The following EFL1 variants were observed in gnomAD, a reference collection of about 807,000 sequenced individuals.
EFL1 encodes elongation factor-like GTPase 1.
EFL1 carries 76 observed loss-of-function variants against 126.7 expected under a neutral mutation model. The observed-to-expected ratio is 0.60, with a 90% CI of 0.50 to 0.73. EFL1 has a LOEUF of 0.73. EFL1 is among the 30% of genes least tolerant of loss of function. EFL1 has a pLI of 0.00. For synonymous variants in EFL1, 410 were observed against 448.4 expected (o/e 0.91, Z 1.08); for missense variants, 1,128 against 1,343.2 (o/e 0.84, Z 2.50).
At chr15:82,247,685 C>G (rs931476904) in intron 4 of EFL1, among the ~76,000 whole-genome samples, 5 of 151,930 alleles carry the variant, frequency 3.3e-5, no homozygotes, top group African/African-American at 1.2e-4. Flanking sequence ...GGGGAAACGT[C>G]AATAAAAAGA....
At chr15:82,164,785 T>C (rs1374589220) in intron 15 of EFL1, among the ~76,000 whole-genome samples, 2 of 151,350 alleles carry the variant, frequency 1.3e-5, no homozygotes, top group Non-Finnish European at 2.9e-5. Context: ...TAGTCCCAGC[T>C]ACTTGGGAGG....
intron 12 of EFL1, among the ~76,000 whole-genome samples, chr15:82,222,578 T>C (rs554046359): frequency 2.0e-5 from 3 of 152,334 alleles, no homozygotes; most frequent in African/African-American, 7.2e-5. Flanking sequence ...CTGCTGTCTA[T>C]CTATGTATCT....
rs140962922 is a variant in EFL1 at position 82,159,686 on chromosome 15, A to C, written c.1883-1826T>G. Reference sequence around the variant, plus strand: ...ATAGTTCAATAAAGATATAAGAATTAACAAACCTTCTAATTAGTGTAAGAA... The same window carrying C: ...ATAGTTCAATAAAGATATAAGAATTCACAAACCTTCTAATTAGTGTAAGAA... On this transcript the variant is annotated intron_variant, in intron 16 of 19. Coordinates refer to ENST00000268206, the MANE Select transcript of EFL1 (RefSeq NM_024580.6). 2.8e-3 allele frequency among the ~76,000 whole-genome samples: 433 copies of C among 152,344 alleles called. 4 individuals are homozygous for C. Among genetic ancestry groups the C allele is most frequent in the African/African-American group, 9.9e-3 (413 of 41,596 alleles).
intron 8 of EFL1, 34 bp downstream of exon 8, chr15:82,230,814 G>A: frequency 1.3e-6 from 2 of 1,576,876 alleles, no homozygotes; most frequent in Non-Finnish European, 1.7e-6. Flanking sequence ...GCAAGAATAT[G>A]ACCAACAACC....
At chr15:82,136,934 G>T (rs1292622582) in intron 19 of EFL1, among the ~76,000 whole-genome samples, 1 of 151,944 alleles carries the variant, frequency 6.6e-6, no homozygotes, top group African/African-American at 2.4e-5. Context: ...GTAAATTACT[G>T]TTAAAACCTA....
At chr15:82,168,099 A>T (rs1501371) in intron 15 of EFL1, among the ~76,000 whole-genome samples, 2 of 151,928 alleles carry the variant, frequency 1.3e-5, no homozygotes, top group South Asian at 2.1e-4. Flanking sequence ...GAGAACCCTT[A>T]GTTTTGAAAG....
intron 15 of EFL1, among the ~76,000 whole-genome samples, chr15:82,187,924 C>A (rs1037307458): frequency 1.3e-5 from 2 of 151,996 alleles, no homozygotes; most frequent in Non-Finnish European, 2.9e-5. Flanking sequence ...ACGGTAATAA[C>A]TATAACAGTG....
At chr15:82,239,412 A>T (rs1417723281) in intron 6 of EFL1, among the ~76,000 whole-genome samples, 3 of 152,218 alleles carry the variant, frequency 2.0e-5, no homozygotes, top group Non-Finnish European at 2.9e-5. Context: ...CTGGGATTAC[A>T]GGTGTAAGCC....
chr15:82,140,041 G>A (rs1298423453), intron 18 of EFL1, among the ~76,000 whole-genome samples: 1 of 152,072 alleles, frequency 6.6e-6, no homozygotes, highest in Non-Finnish European at 1.5e-5. Context: ...GTGTCACAAC[G>A]CCTCAAGGAA....
intron 15 of EFL1, among the ~76,000 whole-genome samples, chr15:82,201,351 C>T (rs12594764): frequency 0.072 from 10,887 of 152,192 alleles, 722 homozygotes; most frequent in East Asian, 0.35. Context: ...CTGTGCTCAT[C>T]TACAAAGGAG....
At position 82,229,064 on chromosome 15, in the gene EFL1, A is replaced by G. The variant is rs376071534; in HGVS notation, c.902T>C (p.Ile301Thr). 2.5e-6 allele frequency: 4 copies of G among 1,612,138 alleles called. No individual in the cohort carries two copies. Among genetic ancestry groups the G allele is most frequent in the Non-Finnish European group, 3.4e-6 (4 of 1,179,502 alleles). The change falls in exon 9 of 20, where the codon ATA becomes ACA. Residue 301 changes from isoleucine to threonine, a missense_variant. Transcript: ENST00000268206. ...CAAAACAGCATCATACAAACTCCAT[A>G]TATTTTCCAGGATCAACTGTACAAA... ...PLFVQLILEN[I>T]WSLYDAVLKK...
chr15:82,194,164 G>A (rs966209653), intron 15 of EFL1, among the ~76,000 whole-genome samples: 4 of 152,242 alleles, frequency 2.6e-5, no homozygotes, highest in Admixed American at 1.3e-4. Context: ...GCCATTGGGC[G>A]GACTGGATCT....
intron 6 of EFL1, among the ~76,000 whole-genome samples, chr15:82,239,968 G>C (rs965294317): frequency 3.3e-5 from 5 of 152,096 alleles, no homozygotes; most frequent in Admixed American, 6.6e-5. Context: ...TGAGCTCCTT[G>C]AAAATAGGGA....
At chr15:82,222,359 T>G (rs566801171) in intron 12 of EFL1, among the ~76,000 whole-genome samples, 9 of 152,236 alleles carry the variant, frequency 5.9e-5, no homozygotes, top group Non-Finnish European at 1.2e-4. Context: ...CTGAAGTCTA[T>G]GCTCATTATC....
chr15:82,165,470 C>T (rs965163143), intron 15 of EFL1, among the ~76,000 whole-genome samples: 1 of 152,110 alleles, frequency 6.6e-6, no homozygotes, highest in African/African-American at 2.4e-5. Context: ...TTCAGGTACA[C>T]AAACTTGGAG....
At chr15:82,221,488 C>T (rs1438990716) in intron 12 of EFL1, among the ~76,000 whole-genome samples, 1 of 152,176 alleles carries the variant, frequency 6.6e-6, no homozygotes, top group African/African-American at 2.4e-5. Context: ...CACTGCTATA[C>T]TCTTCAGATA....
intron 4 of EFL1, among the ~76,000 whole-genome samples, chr15:82,249,782 A>AT (rs1016740328): frequency 2.6e-5 from 4 of 152,070 alleles, no homozygotes; most frequent in Non-Finnish European, 5.9e-5. Context: ...TAGAGGTTCC[A>AT]TTTTCTCAAA....
In EFL1 at chr15:82,152,016, CCT is replaced by C. The variant is rs1322102951; in HGVS notation, c.2436_2437del (p.Gly813GlufsTer8). On this transcript the variant is annotated frameshift_variant, in exon 18 of 20. Transcript: ENST00000268206. LOFTEE classifies it high-confidence loss of function. ...GTCAACAATGTTCCTCCATCTTCTC[CCT>C]GTTAGGTGTTGCTCCAGTTTTCCTT... is the stretch of plus-strand genomic sequence containing the variant. 1.2e-6 allele frequency: 2 copies of C among 1,614,012 alleles called. No individual in the cohort carries two copies. Among genetic ancestry groups the C allele is most frequent in the South Asian group, 1.1e-5 (1 of 91,080 alleles).
chr15:82,188,534 C>T (rs1047667272), intron 15 of EFL1, among the ~76,000 whole-genome samples: 2 of 152,054 alleles, frequency 1.3e-5, no homozygotes, highest in Admixed American at 6.6e-5. Flanking sequence ...ATGTTATAAC[C>T]GTTGCTTCCT....
Sources: gnomAD v4.1 joint callset for allele counts (sites outside exome capture counted in the v4.1 genomes callset) on GRCh38, gnomAD v4.1.1 for gene constraint, MANE v1.5 for transcripts, NCBI Gene and HGNC (gene_info 2026-07-23, HGNC 2026-07-21) for gene names.